LARGE1: variants seen among roughly 807,000 people sequenced by gnomAD.
LARGE1 encodes LARGE xylosyl- and glucuronyltransferase 1, also known as xylosyl- and glucuronyltransferase LARGE1.
LARGE1 carries 43 observed loss-of-function variants against 87.6 expected under a neutral mutation model. The observed-to-expected ratio is 0.49, with a 90% CI of 0.38 to 0.63. LARGE1 has a LOEUF of 0.63. LARGE1 is among the 30% of genes least tolerant of loss of function. The pLI is 0.00. For missense variants in LARGE1, 802 were observed against 1,000.2 expected, an observed-to-expected ratio of 0.80 and a Z score of 2.67; for synonymous variants, 434 against 394.6, an observed-to-expected ratio of 1.10 and a Z score of -1.18.
the LARGE1 span, among the ~76,000 whole-genome samples, chr22:33,084,688 G>T: frequency 5.3e-5 from 8 of 151,974 alleles, no homozygotes; most frequent in East Asian, 3.9e-4. Context: ...GAAATATAAT[G>T]TAAGCCACAT....
chr22:33,806,179 T>C, intron 1 of LARGE1, among the ~76,000 whole-genome samples: 1 of 152,000 alleles, frequency 6.6e-6, no homozygotes, highest in African/African-American at 2.4e-5. Flanking sequence ...ATCTTATGAA[T>C]GGGATCAAAC....
chr22:33,428,068 G>C (rs1027887785), intron 7 of LARGE1, among the ~76,000 whole-genome samples: 2 of 152,256 alleles, frequency 1.3e-5, no homozygotes, highest in African/African-American at 2.4e-5. Context: ...ATTACACCTG[G>C]GGAAAGTAAA....
At chr22:33,729,908 G>A (rs1019412408) in intron 2 of LARGE1, among the ~76,000 whole-genome samples, 2 of 152,184 alleles carry the variant, frequency 1.3e-5, no homozygotes, top group Non-Finnish European at 2.9e-5. Flanking sequence ...AAGATGCCAG[G>A]CATGAGTCTC....
intron 1 of LARGE1, among the ~76,000 whole-genome samples, chr22:33,876,960 T>C (rs2064487732): frequency 1.3e-5 from 2 of 151,636 alleles, no homozygotes; most frequent in East Asian, 1.9e-4. Context: ...TGGTCATCTC[T>C]CCACATAAGC....
chr22:33,357,104 C>G (rs1467292909), intron 9 of LARGE1, among the ~76,000 whole-genome samples: 1 of 152,152 alleles, frequency 6.6e-6, no homozygotes, highest in Non-Finnish European at 1.5e-5. Context: ...AGCAAAGATA[C>G]AGAGTCAGCC....
chr22:33,106,744 C>T, the LARGE1 span, among the ~76,000 whole-genome samples: 3 of 152,214 alleles, frequency 2.0e-5, no homozygotes, highest in African/African-American at 7.2e-5. Flanking sequence ...GATCCACCCA[C>T]CTCAGCCTCC....
At chr22:33,417,799 C>T (rs895743428) in intron 7 of LARGE1, among the ~76,000 whole-genome samples, 1 of 152,200 alleles carries the variant, frequency 6.6e-6, no homozygotes, top group African/African-American at 2.4e-5. Context: ...AAATGGGAGC[C>T]ACTCTCAGCA....
At chr22:33,590,216 T>C (rs2078796020) in intron 5 of LARGE1, among the ~76,000 whole-genome samples, 1 of 152,234 alleles carries the variant, frequency 6.6e-6, no homozygotes, top group African/African-American at 2.4e-5. Context: ...ACTTACCAAT[T>C]TAAAATTATT....
At chr22:33,584,305 T>C (rs1468557041) in intron 5 of LARGE1, among the ~76,000 whole-genome samples, 1 of 152,142 alleles carries the variant, frequency 6.6e-6, no homozygotes, top group Non-Finnish European at 1.5e-5. Context: ...AGCTTCTGTG[T>C]TCTCGACAAT....
Position 33,417,704 on chromosome 22 carries a change from G to C in LARGE1, c.892+14457C>G, listed in dbSNP as rs1157609039. On this transcript the variant is annotated intron_variant, in intron 7 of 14. Transcript: ENST00000397394. ...CCAGGGCTCTTGCCCGGGGCTCTCG[G>C]GGAGAAACCACTTCTAAGCTCATCC... is the stretch of plus-strand genomic sequence containing the variant. Among the ~76,000 whole-genome samples, 3 of 152,166 alleles carry C rather than the reference G, an allele frequency of 2.0e-5. No homozygotes were observed. The East Asian group carries it at 5.8e-4, about 29-fold the overall frequency.
At chr22:33,731,338 C>T (rs1349673626) in intron 2 of LARGE1, among the ~76,000 whole-genome samples, 1 of 151,976 alleles carries the variant, frequency 6.6e-6, no homozygotes, top group Non-Finnish European at 1.5e-5. Context: ...CCCGAGAGAA[C>T]TTATTGAGAT....
intron 2 of LARGE1, among the ~76,000 whole-genome samples, chr22:33,701,142 C>T (rs1282055863): frequency 1.3e-5 from 2 of 152,114 alleles, no homozygotes; most frequent in Non-Finnish European, 2.9e-5. Flanking sequence ...TGGTCACGGC[C>T]TGGAGGGGAA....
At chr22:33,149,197 C>T in the LARGE1 span, among the ~76,000 whole-genome samples, 3 of 132,500 alleles carry the variant, frequency 2.3e-5, no homozygotes, top group Non-Finnish European at 3.4e-5. Flanking sequence ...TCACCATGCC[C>T]GGCTAATTAT....
chr22:33,082,909 CA>C, the LARGE1 span, among the ~76,000 whole-genome samples: 1 of 152,086 alleles, frequency 6.6e-6, no homozygotes, highest in African/African-American at 2.4e-5. Flanking sequence ...CCTGTAGTCC[CA>C]GCTACTTGGG....
At chr22:33,513,247 A>C (rs891474692) in intron 6 of LARGE1, among the ~76,000 whole-genome samples, 19 of 152,230 alleles carry the variant, frequency 1.2e-4, no homozygotes, top group Admixed American at 4.6e-4. Context: ...CCAGTTAGTA[A>C]GATTAATGAA....
intron 10 of LARGE1, among the ~76,000 whole-genome samples, chr22:33,321,882 G>C (rs1219324550): frequency 1.3e-5 from 2 of 152,106 alleles, no homozygotes; most frequent in Non-Finnish European, 2.9e-5. Flanking sequence ...ACAGTGGCAC[G>C]ATCTCGGCTC....
rs1923251578 is a variant in LARGE1 at position 33,182,949 on chromosome 22, A to C, written c.1731-16117T>G. ...TACCAAGGGCACAGGCAACAAAAGC[A>C]AAATTAAGCAGGTGGGATTATATCA... On this transcript the variant is annotated intron_variant, in intron 11 of 11. Transcript: ENST00000608642. Among the ~76,000 whole-genome samples, 8 of 152,348 alleles carry C rather than the reference A, an allele frequency of 5.3e-5. No individual in the cohort carries two copies. In the South Asian group the frequency reaches 1.7e-3, roughly 32 times the overall value.
chr22:33,830,937 T>C (rs900583227), intron 1 of LARGE1, among the ~76,000 whole-genome samples: 1 of 152,194 alleles, frequency 6.6e-6, no homozygotes, highest in Non-Finnish European at 1.5e-5. Context: ...TCTGCCTTCA[T>C]GACCTAAGTG....
intron 11 of LARGE1, among the ~76,000 whole-genome samples, chr22:33,225,601 G>A (rs889439016): frequency 1.3e-5 from 2 of 151,878 alleles, no homozygotes; most frequent in African/African-American, 4.8e-5. Flanking sequence ...AGGGGTACAT[G>A]TGCAGGTTTG....
Sources: gnomAD v4.1 joint callset for allele counts (sites outside exome capture counted in the v4.1 genomes callset) on GRCh38, gnomAD v4.1.1 for gene constraint, MANE v1.5 for transcripts, NCBI Gene and HGNC (gene_info 2026-07-23, HGNC 2026-07-21) for gene names.